TPRG1: variants seen among roughly 807,000 people sequenced by gnomAD.
TPRG1 encodes the protein tumor protein p63 regulated 1, also known as tumor protein p63-regulated gene 1 protein.
In TPRG1, 29 loss-of-function variants were observed where a neutral mutation model predicts 29.3. The ratio of observed to expected loss-of-function variants is 0.99; its 90% CI spans 0.74 to 1.35. The LOEUF (loss-of-function observed/expected upper bound fraction) is 1.35, where lower values mean the gene tolerates loss of function less well. TPRG1 is among the 40% of genes most tolerant of loss of function. TPRG1 has a pLI of 0.00. For missense variants in TPRG1, 327 were observed against 335.0 expected, an observed-to-expected ratio of 0.98 and a Z score of 0.19; for synonymous variants, 130 against 116.8, an observed-to-expected ratio of 1.11 and a Z score of -0.73.
chr3:189,096,140 C>A (rs1032512239), upstream of TPRG1, among the ~76,000 whole-genome samples: 1 of 152,244 alleles, frequency 6.6e-6, no homozygotes. Context: ...CTTCTCCCAG[C>A]AGGCTCTGCA....
chr3:189,218,120 CTT>C, intron 3 of TPRG1: 8 of 782,150 alleles, frequency 1.0e-5, no homozygotes, highest in Non-Finnish European at 1.2e-5. Flanking sequence ...AAGATTCTCT[CTT>C]TTTTTTTTGA....
chr3:189,124,019 G>C (rs2108511600), intron 1 of TPRG1, among the ~76,000 whole-genome samples: 1 of 152,292 alleles, frequency 6.6e-6, no homozygotes. Context: ...GCAGAGTCTT[G>C]TCTTTACTTC....
chr3:189,208,129 A>G (rs904799506), intron 2 of TPRG1, among the ~76,000 whole-genome samples: 3 of 152,214 alleles, frequency 2.0e-5, no homozygotes, highest in Admixed American at 1.3e-4. Flanking sequence ...GAGCTGGGAA[A>G]GTAAATGGAT....
chr3:189,109,809 C>G lies in TPRG1; in HGVS notation c.-744+9605C>G, dbSNP rs990666493. On this transcript the variant is annotated intron_variant, in intron 1 of 6. Coordinates refer to the TPRG1 transcript ENST00000412373. ...CATGTAGAACATTTCTCTCACTCCCCTAAATTCTCCAGTGCTCCTTTGTAG... is the reference window on the plus strand; with the variant it reads ...CATGTAGAACATTTCTCTCACTCCCGTAAATTCTCCAGTGCTCCTTTGTAG... 3.9e-5 allele frequency among the ~76,000 whole-genome samples: 6 copies of G among 152,288 alleles called. No individual in the cohort carries two copies. The East Asian group carries it at 9.6e-4, about 24-fold the overall frequency.
intron 1 of TPRG1, among the ~76,000 whole-genome samples, chr3:189,104,983 T>C (rs1719644415): frequency 6.6e-6 from 1 of 152,170 alleles, no homozygotes; most frequent in Non-Finnish European, 1.5e-5. Flanking sequence ...ACCTGGGTCC[T>C]TCTACTCTAA....
intron 3 of TPRG1, among the ~76,000 whole-genome samples, chr3:189,138,690 C>G (rs1454859231): frequency 6.6e-6 from 1 of 152,182 alleles, no homozygotes; most frequent in East Asian, 1.9e-4. Context: ...CCCAGCCACA[C>G]TCAACTGCAA....
At chr3:189,071,067 GAA>G (rs74731300) in intron 4 of TPRG1, among the ~76,000 whole-genome samples, 1,778 of 76,196 alleles carry the variant, frequency 0.023, 25 homozygotes, top group African/African-American at 0.052. Flanking sequence ...CAAAGAAAAA[GAA>G]AAAAAAAAAA....
At chr3:189,162,252 C>T (rs1400930166) in intron 5 of TPRG1, among the ~76,000 whole-genome samples, 1 of 152,122 alleles carries the variant, frequency 6.6e-6, no homozygotes, top group Non-Finnish European at 1.5e-5. Flanking sequence ...TTCAGCCTCC[C>T]AAAGTGCTGG....
Position 189,322,879 on chromosome 3 carries a change from A to G in TPRG1, c.*2059A>G, listed in dbSNP as rs2108509298. ...TCTGTAACAATGGGATAAGCATTTAATGGAATCAAAGCTGTTTTGCATAAA... is the reference window on the plus strand; with the variant it reads ...TCTGTAACAATGGGATAAGCATTTAGTGGAATCAAAGCTGTTTTGCATAAA... On this transcript the variant is annotated 3_prime_UTR_variant, in exon 6 of 6. Coordinates refer to ENST00000345063, the MANE Select transcript of TPRG1 (RefSeq NM_198485.4). 1 of 152,236 alleles carries G rather than the reference A, an allele frequency of 6.6e-6. No homozygotes were observed. The highest frequency in any genetic ancestry group is 2.4e-5 in the African/African-American group (1 of 41,564). The allele number at this position is 152,236 out of a possible 1,614,324, so 9.4% of individuals were successfully genotyped here.
At chr3:189,206,194 ATAT>A (rs1734342009) in intron 1 of TPRG1, among the ~76,000 whole-genome samples, 3 of 145,004 alleles carry the variant, frequency 2.1e-5, no homozygotes, top group South Asian at 4.3e-4. Context: ...AATTGGAATA[ATAT>A]TATTTATAAT....
intron 5 of TPRG1, among the ~76,000 whole-genome samples, chr3:189,152,219 C>T (rs1369229480): frequency 6.6e-6 from 1 of 151,994 alleles, no homozygotes; most frequent in Non-Finnish European, 1.5e-5. Flanking sequence ...TTTACAATAT[C>T]TGGAGAGAAA....
At chr3:189,233,455 C>G (rs1738990024) in intron 3 of TPRG1, among the ~76,000 whole-genome samples, 1 of 152,066 alleles carries the variant, frequency 6.6e-6, no homozygotes, top group African/African-American at 2.4e-5. Flanking sequence ...CTGTTGTCAT[C>G]CCAGGAAACT....
intron 1 of TPRG1, among the ~76,000 whole-genome samples, chr3:189,197,438 A>G (rs1196286687): frequency 6.6e-6 from 1 of 152,058 alleles, no homozygotes; most frequent in Non-Finnish European, 1.5e-5. Context: ...CTGGTGACTT[A>G]GTCTTATTTA....
chr3:189,024,598 T>G (rs1713556987), intron 4 of TPRG1, among the ~76,000 whole-genome samples: 1 of 152,166 alleles, frequency 6.6e-6, no homozygotes, highest in Non-Finnish European at 1.5e-5. Context: ...CCAGACGGTT[T>G]GGACTCTCTA....
At chr3:189,029,537 GCAA>G (rs1340082156) in intron 4 of TPRG1, among the ~76,000 whole-genome samples, 2 of 152,120 alleles carry the variant, frequency 1.3e-5, no homozygotes, top group East Asian at 3.9e-4. Flanking sequence ...AATGATTTTA[GCAA>G]CAACAACAAA....
chr3:189,205,148 C>T (rs540083186), intron 1 of TPRG1, among the ~76,000 whole-genome samples: 34 of 152,292 alleles, frequency 2.2e-4, no homozygotes, highest in Non-Finnish European at 3.8e-4. Flanking sequence ...CTTGCTGCTA[C>T]GACTATTCAA....
chr3:189,083,036 A>G (rs1044006581), intron 4 of TPRG1, among the ~76,000 whole-genome samples: 1 of 152,162 alleles, frequency 6.6e-6, no homozygotes, highest in Non-Finnish European at 1.5e-5. Flanking sequence ...CTCATTTCTC[A>G]TATTTTTCCA....
Position 189,263,305 on chromosome 3 carries a change from A to G in TPRG1, c.479+24396A>G, listed in dbSNP as rs79159722. Among the ~76,000 whole-genome samples, 13 of 152,364 alleles carry G rather than the reference A, an allele frequency of 8.5e-5. No individual in the cohort carries two copies. In the East Asian group the frequency reaches 2.5e-3, roughly 29 times the overall value. On this transcript the variant is annotated intron_variant, in intron 4 of 5. Coordinates refer to ENST00000345063, the MANE Select transcript of TPRG1 (RefSeq NM_198485.4). ...TGATCAGAATGATGAGTAGGAGTTA[A>G]GGAGATGAAGGGGTTTATGGGGTGA...
At chr3:189,255,689 C>T (rs1316955229) in intron 4 of TPRG1, among the ~76,000 whole-genome samples, 1 of 152,088 alleles carries the variant, frequency 6.6e-6, no homozygotes, top group African/African-American at 2.4e-5. Context: ...TAATTACTGC[C>T]TCAATTTCAG....
Sources: allele counts gnomAD v4.1 joint callset (sites outside exome capture counted in the v4.1 genomes callset), GRCh38; gene constraint gnomAD v4.1.1; transcripts MANE v1.5; gene names NCBI Gene and HGNC (gene_info 2026-07-23, HGNC 2026-07-21).